Variants in NTRK3 observed in about 807,000 individuals in gnomAD.
NTRK3 encodes NT-3 growth factor receptor.
A neutral mutation model predicts 91.7 loss-of-function variants in NTRK3; 24 were observed. The ratio of observed to expected loss-of-function variants is 0.26; its 90% CI spans 0.19 to 0.37. NTRK3 has a LOEUF of 0.37. NTRK3 is among the 10% of genes least tolerant of loss of function. NTRK3 has a pLI of 1.00. For missense variants in NTRK3, 880 were observed against 1,068.9 expected, an observed-to-expected ratio of 0.82 and a Z score of 2.46; for synonymous variants, 483 against 404.0, an observed-to-expected ratio of 1.20 and a Z score of -2.34.
intron 5 of NTRK3, among the ~76,000 whole-genome samples, chr15:88,151,299 C>T (rs373752332): frequency 2.0e-5 from 3 of 152,048 alleles, no homozygotes; most frequent in African/African-American, 7.2e-5. Flanking sequence ...ACTCTGGGGT[C>T]CAGAGGTAGT....
intron 6 of NTRK3, among the ~76,000 whole-genome samples, chr15:88,145,571 C>T (rs2042814100): frequency 6.6e-6 from 1 of 152,128 alleles, no homozygotes; most frequent in Non-Finnish European, 1.5e-5. Flanking sequence ...AATATATATC[C>T]ACGGAACAAC....
intron 3 of NTRK3, among the ~76,000 whole-genome samples, chr15:88,190,363 G>C (rs111905157): frequency 6.0e-4 from 91 of 152,232 alleles, no homozygotes; most frequent in Admixed American, 2.0e-3. Flanking sequence ...AAACAGAGTA[G>C]ACAGATCATG....
At chr15:88,079,403 C>G (rs1270311325) in intron 13 of NTRK3, among the ~76,000 whole-genome samples, 2 of 152,156 alleles carry the variant, frequency 1.3e-5, no homozygotes, top group Non-Finnish European at 2.9e-5. Flanking sequence ...GATGCCCCTG[C>G]TTCCAGAAGT....
At chr15:87,957,246 GA>G (rs11401333) in intron 14 of NTRK3, among the ~76,000 whole-genome samples, 1 of 152,112 alleles carries the variant, frequency 6.6e-6, no homozygotes, top group African/African-American at 2.4e-5. Flanking sequence ...AAAACACTTA[GA>G]AAAAATACCT....
chr15:88,014,519 G>A (rs2077096090), intron 14 of NTRK3, among the ~76,000 whole-genome samples: 1 of 152,180 alleles, frequency 6.6e-6, no homozygotes, highest in Non-Finnish European at 1.5e-5. Context: ...GAGCAGGAAA[G>A]GAAAAACTTA....
chr15:88,186,925 CTCTG>C (rs544308302), intron 3 of NTRK3, among the ~76,000 whole-genome samples: 99 of 152,206 alleles, frequency 6.5e-4, no homozygotes, highest in Non-Finnish European at 1.3e-3. Context: ...CAGGTTACTT[CTCTG>C]TCTGTGCCTC....
chr15:87,970,077 T>C (rs977739284), intron 14 of NTRK3, among the ~76,000 whole-genome samples: 3 of 152,152 alleles, frequency 2.0e-5, no homozygotes, highest in Admixed American at 6.5e-5. Flanking sequence ...GTCTTTTACA[T>C]GAGGATCAGC....
intron 13 of NTRK3, among the ~76,000 whole-genome samples, chr15:88,109,896 T>G (rs904935945): frequency 6.6e-6 from 1 of 152,120 alleles, no homozygotes; most frequent in Non-Finnish European, 1.5e-5. Flanking sequence ...AATCATGATT[T>G]CTCCCCTCAA....
At chr15:88,072,751 G>C (rs558815118) in intron 13 of NTRK3, 1 of 232,962 alleles carries the variant, frequency 4.3e-6, no homozygotes, top group African/African-American at 2.2e-5. Context: ...CCTGGCTTTT[G>C]GGGGAGAGGC....
At chr15:88,045,119 C>T (rs1443457207) in intron 13 of NTRK3, among the ~76,000 whole-genome samples, 1 of 152,214 alleles carries the variant, frequency 6.6e-6, no homozygotes, top group Non-Finnish European at 1.5e-5. Context: ...TAGAATAGTA[C>T]ATCCAAGTCT....
intron 17 of NTRK3, among the ~76,000 whole-genome samples, chr15:87,896,822 T>C (rs941625498): frequency 3.9e-5 from 6 of 152,192 alleles, no homozygotes; most frequent in Admixed American, 6.5e-5. Context: ...TTCTGACTTA[T>C]TAAGTCAGAA....
chr15:88,135,047 C>T (rs896660238), intron 10 of NTRK3, 54 bp downstream of exon 10: 1 of 1,603,030 alleles, frequency 6.2e-7, no homozygotes. Flanking sequence ...TGCCCCATCT[C>T]CCAAGCTTGT....
intron 5 of NTRK3, among the ~76,000 whole-genome samples, chr15:88,163,232 G>A (rs1025248135): frequency 3.3e-5 from 5 of 152,114 alleles, no homozygotes; most frequent in South Asian, 2.1e-4. Context: ...TGAGGTCAAC[G>A]GCTCATTTGT....
intron 14 of NTRK3, among the ~76,000 whole-genome samples, chr15:88,003,732 CT>C (rs2076280824): frequency 6.6e-6 from 1 of 151,894 alleles, no homozygotes; most frequent in Non-Finnish European, 1.5e-5. Flanking sequence ...GGAACAAACA[CT>C]TTCTCCATAA....
At chr15:88,166,253 A>G in intron 5 of NTRK3, among the ~76,000 whole-genome samples, 1 of 152,148 alleles carries the variant, frequency 6.6e-6, no homozygotes, top group Non-Finnish European at 1.5e-5. Flanking sequence ...CGTCCACTCT[A>G]GACTGGGCCT....
At chr15:88,112,347 C>T (rs998840415) in intron 13 of NTRK3, among the ~76,000 whole-genome samples, 1 of 152,230 alleles carries the variant, frequency 6.6e-6, no homozygotes, top group Non-Finnish European at 1.5e-5. Flanking sequence ...TAACAGTTAC[C>T]TCACAGGGGA....
chr15:88,241,173 G>A lies in NTRK3; in HGVS notation c.248+14733C>T, dbSNP rs1381493540. On this transcript the variant is annotated intron_variant, in intron 3 of 18. Transcript: ENST00000394480. The surrounding 1 kb of genome is among the most constrained non-coding windows in gnomAD (Gnocchi z 4.3). ...CATCGTGGGGCTCCCGAGGGTGTCA[G>A]CTGGACTGAGACACTAGCTGTGCCG... 1.3e-5 allele frequency among the ~76,000 whole-genome samples: 2 copies of A among 152,204 alleles called. No homozygotes were observed. Among genetic ancestry groups the A allele is most frequent in the African/African-American group, 4.8e-5 (2 of 41,450 alleles).
rs746161615 is a variant in NTRK3, at chr15:88,233,537, A to G, written c.248+22369T>C. Among the ~76,000 whole-genome samples the G allele has an allele frequency of 2.0e-5, 3 of 152,132 alleles. No individual in the cohort carries two copies. In the South Asian group the frequency reaches 6.2e-4, roughly 32 times the overall value. ...AGACCCTCTAATCCCCCAGCTGCAG[A>G]GACTCCCCCAAGGACTTCCTAGTTG... On this transcript the variant is annotated intron_variant, in intron 3 of 18. Transcript: ENST00000394480. This position sits in a 1 kb window ranked among gnomAD's most constrained non-coding sequence, Gnocchi z 4.2.
chr15:88,149,254 AAC>A lies in NTRK3; in HGVS notation c.396-1853_396-1852del, dbSNP rs533009540. ...AGTGGCTTGGTTCCACCCCAGCCTG[AAC>A]TGGCTAGGTCCCTGAGATGGCCCAT... On this transcript the variant is annotated intron_variant, in intron 5 of 18. Coordinates refer to ENST00000394480, the Ensembl canonical transcript of NTRK3. Among the ~76,000 whole-genome samples, 890 of 152,260 alleles carry A rather than the reference AAC, an allele frequency of 5.8e-3. 11 individuals are homozygous for A. Among genetic ancestry groups the A allele is most frequent in the African/African-American group, 0.02 (830 of 41,538 alleles).
Sources: gnomAD v4.1 joint callset for allele counts (sites outside exome capture counted in the v4.1 genomes callset) on GRCh38, gnomAD v4.1.1 for gene constraint, Gnocchi (gnomAD v3.1) non-coding constraint, MANE v1.5 for transcripts, NCBI Gene and HGNC (gene_info 2026-07-23, HGNC 2026-07-21) for gene names.